The following CALCOCO1 variants were observed in gnomAD, a reference collection of about 807,000 sequenced individuals.
The protein encoded by CALCOCO1 is calcium binding and coiled-coil domain 1, also known as calcium-binding and coiled-coil domain-containing protein 1.
CALCOCO1 carries 44 observed loss-of-function variants against 86.3 expected under a neutral mutation model. That is an observed-to-expected ratio of 0.51 (90% CI 0.40 to 0.66). CALCOCO1 has a LOEUF of 0.66. CALCOCO1 is among the 30% of genes least tolerant of loss of function. The pLI, the probability that CALCOCO1 is intolerant of heterozygous loss-of-function variation, is 0.00. For synonymous variants in CALCOCO1, 297 were observed against 327.6 expected, an observed-to-expected ratio of 0.91 and a Z score of 1.01; for missense variants, 708 against 851.1, an observed-to-expected ratio of 0.83 and a Z score of 2.09.
Position 53,710,206 on chromosome 12 carries a change from G to A in CALCOCO1, c.*1738C>T, listed in dbSNP as rs541651240. 6.6e-6 allele frequency: 1 copy of A among 152,354 alleles called. No individual in the cohort carries two copies. The highest frequency in any genetic ancestry group is 2.1e-4 in the South Asian group (1 of 4,822). 9.4% of individuals were successfully genotyped at this position (152,354 alleles called of 1,614,324 possible). A position where few individuals can be genotyped will look rare whatever the true frequency, so the allele number is the denominator to read the frequency against. ...GAGGGGTTGGGATGGAGAGAGGAGAGATCCATTATCTCTAATTTCCTTGGA... is the reference window on the plus strand; with the variant it reads ...GAGGGGTTGGGATGGAGAGAGGAGAAATCCATTATCTCTAATTTCCTTGGA... On this transcript the variant is annotated 3_prime_UTR_variant, in exon 15 of 15. Transcript: ENST00000550804.
In CALCOCO1 at chr12:53,725,235, T is replaced by C. The variant is rs1452186481; in HGVS notation, c.8A>G (p.Glu3Gly). 6.3e-7 allele frequency: 1 copy of C among 1,595,678 alleles called. No homozygotes were observed. Among genetic ancestry groups the C allele is most frequent in the South Asian group, 1.1e-5 (1 of 88,314 alleles). Residue 3 changes from glutamate to glycine, a missense_variant, in exon 2 of 15, where the codon GAA (glutamate) becomes GGA (glycine). Coordinates refer to ENST00000550804, the MANE Select transcript of CALCOCO1 (RefSeq NM_020898.3). ME[E>G]SPLSRAPSRG... ...GGATGGTGCCCGGCTTAGTGGTGAT[T>C]CTTCCATCCTGGCCTTGAGATATCT...
At chr12:53,713,597 C>A in intron 13 of CALCOCO1, 104 bp downstream of exon 13, 1 of 1,075,250 alleles carries the variant, frequency 9.3e-7, no homozygotes, top group Non-Finnish European at 1.3e-6. Context: ...GCCCAGGAGG[C>A]AGAGGCTGCA....
At chr12:53,721,722 G>T in intron 5 of CALCOCO1, 107 bp from the exon 6 acceptor site, 1 of 1,351,046 alleles carries the variant, frequency 7.4e-7, no homozygotes, top group Non-Finnish European at 1.0e-6. Flanking sequence ...CTTCCACCTG[G>T]CTATCACATT....
intron 6 of CALCOCO1, among the ~76,000 whole-genome samples, chr12:53,721,007 A>G (rs1450580317): frequency 6.6e-6 from 1 of 152,202 alleles, no homozygotes; most frequent in African/African-American, 2.4e-5. Flanking sequence ...CATATCTTAC[A>G]ATCCCAGTGC....
rs768321780 is a variant in CALCOCO1, at chr12:53,724,694, A to C, written c.210T>G (p.Pro70=). Residue 70 remains proline (P), a synonymous_variant, in exon 3 of 15, where the codon CCT becomes CCG. Coordinates refer to ENST00000550804, the MANE Select transcript of CALCOCO1 (RefSeq NM_020898.3). ...TGGGGGAACCATCAGTTGTACTTTC[A>C]GGCACGGAAGACCACACAAATGTGT... The part of the protein sequence containing the change: ...DYHTFVWSSV[P]ESTTDGSPIH... 2 of 1,614,018 alleles carry C rather than the reference A, an allele frequency of 1.2e-6. No individual in the cohort carries two copies. Among genetic ancestry groups the C allele is most frequent in the Admixed American group, 1.7e-5 (1 of 60,004 alleles).
intron 14 of CALCOCO1, 23 bp from the exon 15 acceptor site, chr12:53,712,144 G>A: frequency 6.4e-7 from 1 of 1,570,062 alleles, no homozygotes; most frequent in Non-Finnish European, 8.6e-7. Flanking sequence ...GAGGGGAAAG[G>A]GAGAGGGTCG....
rs1945508950 is a variant in CALCOCO1 at position 53,709,304 on chromosome 12, C to T, written c.*2640G>A. ...GGAAGCTGGCTGCCCCTGGGTTTCC[C>T]CCAGCCCATGCCGTCAATTACCCTT... On this transcript the variant is annotated 3_prime_UTR_variant, in exon 15 of 15. Coordinates refer to ENST00000550804, the MANE Select transcript of CALCOCO1 (RefSeq NM_020898.3). The T allele has an allele frequency of 6.6e-6, 1 of 152,226 alleles. No homozygotes were observed. Among genetic ancestry groups the T allele is most frequent in the South Asian group, 2.1e-4 (1 of 4,832 alleles). 9.4% of individuals were successfully genotyped at this position (152,226 alleles called of 1,614,324 possible). A position where few individuals can be genotyped will look rare whatever the true frequency, so the allele number is the denominator to read the frequency against.
At chr12:53,719,143 C>A (rs1945804541) in intron 7 of CALCOCO1, among the ~76,000 whole-genome samples, 1 of 151,594 alleles carries the variant, frequency 6.6e-6, no homozygotes, top group Non-Finnish European at 1.5e-5. Flanking sequence ...CTGTGCCTGG[C>A]CTCCACACCC....
Position 53,711,931 on chromosome 12 carries a change from C to A in CALCOCO1, c.*13G>T, listed in dbSNP as rs200533485. 7.1e-6 allele frequency: 11 copies of A among 1,544,506 alleles called. No homozygotes were observed. The highest frequency in any genetic ancestry group is 1.3e-5 in the South Asian group (1 of 78,970). ...GCATGAGTGTGTATTTGTGCATGTA[C>A]GAGGGAGTAAGATCACTCAAAGGTG... On this transcript the variant is annotated 3_prime_UTR_variant, in exon 15 of 15. Transcript: ENST00000550804.
Position 53,711,065 on chromosome 12 carries a change from C to T in CALCOCO1, c.*879G>A, listed in dbSNP as rs780659966. ...AGGGTCTAAGAGCTGGAGGTCTGGG[C>T]CCTGTGTTCCAGTCACACCTCATGA... On this transcript the variant is annotated 3_prime_UTR_variant, in exon 15 of 15. Coordinates refer to ENST00000550804, the MANE Select transcript of CALCOCO1 (RefSeq NM_020898.3). 3 of 379,300 alleles carry T rather than the reference C, an allele frequency of 7.9e-6. No individual in the cohort carries two copies. The highest frequency in any genetic ancestry group is 2.1e-5 in the African/African-American group (1 of 47,766). 23.5% of individuals were successfully genotyped at this position (379,300 alleles called of 1,614,324 possible). A position where few individuals can be genotyped will look rare whatever the true frequency, so the allele number is the denominator to read the frequency against.
In CALCOCO1 at chr12:53,716,704, A is replaced by G. The variant is rs146306136; in HGVS notation, c.850-289T>C. On this transcript the variant is annotated intron_variant, in intron 7 of 14. Coordinates refer to ENST00000550804, the MANE Select transcript of CALCOCO1 (RefSeq NM_020898.3). Reference sequence around the variant, plus strand: ...TATTCTTTCTCTTAAATCAAAACTCAGTCTTCATGCCCTACAGGCCCCTTA... The same window carrying G: ...TATTCTTTCTCTTAAATCAAAACTCGGTCTTCATGCCCTACAGGCCCCTTA... Among the ~76,000 whole-genome samples, 579 of 152,252 alleles carry G rather than the reference A, an allele frequency of 3.8e-3. 1 individual carries two copies. Among genetic ancestry groups the G allele is most frequent in the South Asian group, 6.6e-3 (32 of 4,816 alleles).
rs1246467206 is a variant in CALCOCO1 at position 53,722,202 on chromosome 12, G to A, written c.451-19C>T. The A allele has an allele frequency of 6.2e-7, 1 of 1,611,106 alleles. No homozygotes were observed. The highest frequency in any genetic ancestry group is 8.5e-7 in the Non-Finnish European group (1 of 1,180,002). On this transcript the variant is annotated intron_variant, in intron 4 of 14. Coordinates refer to ENST00000550804, the MANE Select transcript of CALCOCO1 (RefSeq NM_020898.3). The stretch of plus-strand genomic sequence containing the variant: ...GCTGGTTCTACAGGCAGCAGAAGGA[G>A]AAGGGGAGTGTGCTGGTGGAGTACC...
intron 9 of CALCOCO1, 151 bp from the exon 10 acceptor site, chr12:53,715,476 C>T (rs1462806116): frequency 1.9e-6 from 2 of 1,074,336 alleles, no homozygotes; most frequent in Non-Finnish European, 2.7e-6. Flanking sequence ...TTTCCTATAC[C>T]CTCTGAATGA....
chr12:53,726,046 TG>T (rs1039363060), intron 1 of CALCOCO1, among the ~76,000 whole-genome samples: 25 of 140,678 alleles, frequency 1.8e-4, no homozygotes, highest in African/African-American at 4.9e-4. Context: ...AGGAACGTGG[TG>T]GGGGTGGGGA....
At chr12:53,712,256 C>T (rs977900614) in intron 14 of CALCOCO1, 135 bp from the exon 15 acceptor site, 3 of 697,868 alleles carry the variant, frequency 4.3e-6, no homozygotes, top group Admixed American at 6.2e-5. Flanking sequence ...CTGGCCTCTC[C>T]CACAGCGTCT....
In CALCOCO1 at chr12:53,719,631, C is replaced by T. The variant is rs146404053; in HGVS notation, c.849+108G>A. On this transcript the variant is annotated intron_variant, in intron 7 of 14. Transcript: ENST00000550804. ...ATGTCTTATGTTCCCTAGTAGAGTGCACACAATGTCTTCTTTACATTTTTA... is the reference window on the plus strand; with the variant it reads ...ATGTCTTATGTTCCCTAGTAGAGTGTACACAATGTCTTCTTTACATTTTTA... 8.2e-4 allele frequency: 612 copies of T among 747,934 alleles called. 2 individuals are homozygous for T. The highest frequency in any genetic ancestry group is 1.9e-3 in the Admixed American group (91 of 48,204). The allele number at this position is 747,934 out of a possible 1,614,324, so 46.3% of individuals were successfully genotyped here. A position where few individuals can be genotyped will look rare whatever the true frequency, so the allele number is the denominator to read the frequency against.
intron 6 of CALCOCO1, among the ~76,000 whole-genome samples, 172 bp downstream of exon 6, chr12:53,721,295 T>C (rs900396897): frequency 2.0e-5 from 3 of 152,150 alleles, no homozygotes; most frequent in Admixed American, 6.5e-5. Flanking sequence ...TTTGGAAAGA[T>C]GGTAGAGAGC....
In CALCOCO1 at chr12:53,711,721, C is replaced by T; in HGVS notation, c.*223G>A. The stretch of plus-strand genomic sequence containing the variant: ...ACCACTTTCAGGGGATAAATTCAGC[C>T]ACTGCTTCCGAACAGGACCCCTCCC... On this transcript the variant is annotated 3_prime_UTR_variant, in exon 15 of 15. Coordinates refer to ENST00000550804, the MANE Select transcript of CALCOCO1 (RefSeq NM_020898.3). The T allele has an allele frequency of 2.3e-6, 1 of 429,336 alleles. No individual in the cohort carries two copies. The highest frequency in any genetic ancestry group is 4.1e-6 in the Non-Finnish European group (1 of 245,112). The allele number at this position is 429,336 out of a possible 1,614,324, so 26.6% of individuals were successfully genotyped here.
chr12:53,721,804 A>C lies in CALCOCO1; in HGVS notation c.610-189T>G. The C allele has an allele frequency of 4.9e-6, 4 of 811,070 alleles. No homozygotes were observed. In the South Asian group the frequency reaches 6.5e-5, roughly 13 times the overall value. 50.2% of individuals were successfully genotyped at this position (811,070 alleles called of 1,614,324 possible). On this transcript the variant is annotated intron_variant, in intron 5 of 14. Transcript: ENST00000550804. The stretch of plus-strand genomic sequence containing the variant: ...AACGTGGCCACCTCCACCTTACCCC[A>C]GCATTCCTATGTTCAAAGAACTGAG...
Sources: gnomAD v4.1 joint callset for allele counts (sites outside exome capture counted in the v4.1 genomes callset) on GRCh38, gnomAD v4.1.1 for gene constraint, MANE v1.5 for transcripts, NCBI Gene and HGNC (gene_info 2026-07-23, HGNC 2026-07-21) for gene names.